SAMD3: variants seen among roughly 807,000 people sequenced by gnomAD.
The protein encoded by SAMD3 is sterile alpha motif domain containing 3.
Under a neutral mutation model 58.5 loss-of-function variants are expected in SAMD3, and 63 were observed. The observed-to-expected ratio is 1.08, with a 90% CI of 0.88 to 1.33. The LOEUF (loss-of-function observed/expected upper bound fraction) is 1.33. SAMD3 is among the 40% of genes most tolerant of loss of function. The pLI, the probability that SAMD3 is intolerant of heterozygous loss-of-function variation, is 0.00. For synonymous variants in SAMD3, 220 were observed against 210.3 expected (o/e 1.05, Z -0.40); for missense variants, 604 against 608.4 (o/e 0.99, Z 0.08).
chr6:130,143,541 G>T (rs2114530634), downstream of SAMD3, among the ~76,000 whole-genome samples: 1 of 152,132 alleles, frequency 6.6e-6, no homozygotes, highest in South Asian at 2.1e-4. Flanking sequence ...ACCGTGCCCG[G>T]CCCACATGAG....
At chr6:130,184,809 T>C (rs889985700) in intron 5 of SAMD3, among the ~76,000 whole-genome samples, 186 bp from the exon 6 acceptor site, 2 of 152,220 alleles carry the variant, frequency 1.3e-5, no homozygotes, top group African/African-American at 4.8e-5. Context: ...AGTGTCTTTG[T>C]CCATTCACAC....
rs900829781 is a variant in SAMD3, at chr6:130,324,040, C to CT, written c.-303-10948dup. On this transcript the variant is annotated intron_variant, in intron 1 of 13. Coordinates refer to the SAMD3 transcript ENST00000368134. ...CACTCTGGCATTTAACATCTTGGAA[C>CT]TTTTTTTTTATAACATATCAATCTT... Among the ~76,000 whole-genome samples, 35 of 151,364 alleles carry CT rather than the reference C, an allele frequency of 2.3e-4. 1 individual carries two copies. Among genetic ancestry groups the CT allele is most frequent in the South Asian group, 1.9e-3 (9 of 4,788 alleles).
At chr6:130,318,766 G>C (rs537880305) in intron 1 of SAMD3, among the ~76,000 whole-genome samples, 1 of 152,232 alleles carries the variant, frequency 6.6e-6, no homozygotes, top group Admixed American at 6.5e-5. Flanking sequence ...AAAGACACAG[G>C]AAAACAGGGC....
In SAMD3 at chr6:130,288,552, A is replaced by G. The variant is rs115319394; in HGVS notation, c.-188+24426T>C. Reference sequence around the variant, plus strand: ...AAGGTAACACATCAAATTAATCATCACAAGATGGAAGCCAAAGGGACAGGT... The same window carrying G: ...AAGGTAACACATCAAATTAATCATCGCAAGATGGAAGCCAAAGGGACAGGT... On this transcript the variant is annotated intron_variant, in intron 2 of 13. Coordinates refer to the SAMD3 transcript ENST00000368134. Among the ~76,000 whole-genome samples the G allele has an allele frequency of 2.8e-3, 419 of 152,314 alleles. 2 individuals are homozygous for G. The highest frequency in any genetic ancestry group is 9.9e-3 in the African/African-American group (411 of 41,570).
chr6:130,158,318 A>T (rs1029914824), intron 8 of SAMD3, among the ~76,000 whole-genome samples: 4 of 152,196 alleles, frequency 2.6e-5, no homozygotes, highest in Admixed American at 2.0e-4. Context: ...TTTTACAGCT[A>T]TGTAAGTAAG....
intron 1 of SAMD3, among the ~76,000 whole-genome samples, chr6:130,221,271 G>A (rs750963585): frequency 1.3e-5 from 2 of 152,014 alleles, no homozygotes; most frequent in Non-Finnish European, 2.9e-5. Flanking sequence ...ATGTAAATAT[G>A]AAAAATTAAA....
chr6:130,253,997 C>T (rs1773836224), intron 2 of SAMD3, among the ~76,000 whole-genome samples: 1 of 151,386 alleles, frequency 6.6e-6, no homozygotes, highest in Admixed American at 6.6e-5. Context: ...CTGTAGTTAC[C>T]CATCTTTTTT....
chr6:130,352,272 C>T (rs780730388), intron 1 of SAMD3, among the ~76,000 whole-genome samples: 8 of 151,948 alleles, frequency 5.3e-5, no homozygotes, highest in Non-Finnish European at 1.0e-4. Context: ...GGGATAAACT[C>T]GAGTCAAGGA....
chr6:130,162,810 T>G (rs2114619301), intron 8 of SAMD3, among the ~76,000 whole-genome samples: 1 of 152,322 alleles, frequency 6.6e-6, no homozygotes, highest in East Asian at 1.9e-4. Flanking sequence ...TCTCACTTAT[T>G]CTCTAATTAC....
At chr6:130,302,886 A>G (rs1048748733) in intron 2 of SAMD3, among the ~76,000 whole-genome samples, 6 of 152,220 alleles carry the variant, frequency 3.9e-5, no homozygotes, top group Admixed American at 1.3e-4. Flanking sequence ...ACATGTGAAC[A>G]TAAAGATGGA....
chr6:130,194,056 G>A (rs1164647585), intron 5 of SAMD3, among the ~76,000 whole-genome samples: 1 of 151,892 alleles, frequency 6.6e-6, no homozygotes. Flanking sequence ...CTCAGCCTCC[G>A]CTCCTCCACT....
intron 2 of SAMD3, among the ~76,000 whole-genome samples, chr6:130,309,718 A>G (rs1326895979): frequency 6.6e-6 from 1 of 152,220 alleles, no homozygotes. Flanking sequence ...GACTTGGGAC[A>G]CCAATTATTT....
At chr6:130,331,159 A>G (rs1299867053) in intron 1 of SAMD3, among the ~76,000 whole-genome samples, 1 of 152,254 alleles carries the variant, frequency 6.6e-6, no homozygotes, top group Non-Finnish European at 1.5e-5. Context: ...AAGTCACCAC[A>G]GCTAATGTTA....
rs187461714 is a variant in SAMD3 at position 130,213,784 on chromosome 6, T to A, written c.269+553A>T. Among the ~76,000 whole-genome samples, 28 of 152,336 alleles carry A rather than the reference T, an allele frequency of 1.8e-4. No homozygotes were observed. In the East Asian group the frequency reaches 5.0e-3, roughly 27 times the overall value. On this transcript the variant is annotated intron_variant, in intron 4 of 11. Transcript: ENST00000439090. ...ATCTGCCACCACTAATGTTTCTACA[T>A]AATTTTTTGGGGTGTTTCATAGTGT... is the stretch of plus-strand genomic sequence containing the variant.
At chr6:130,220,198 C>T (rs1196652580) in intron 1 of SAMD3, among the ~76,000 whole-genome samples, 1 of 152,108 alleles carries the variant, frequency 6.6e-6, no homozygotes, top group Non-Finnish European at 1.5e-5. Flanking sequence ...AATGGGGTTT[C>T]ACCATGTTGG....
intron 2 of SAMD3, among the ~76,000 whole-genome samples, chr6:130,253,448 G>A (rs1290220137): frequency 2.6e-5 from 4 of 151,896 alleles, no homozygotes; most frequent in Non-Finnish European, 5.9e-5. Context: ...TTAATTCTAG[G>A]TATTTACCTT....
At chr6:130,287,943 CAAA>C (rs3029967) in intron 2 of SAMD3, among the ~76,000 whole-genome samples, 3,729 of 107,022 alleles carry the variant, frequency 0.035, 66 homozygotes, top group Non-Finnish European at 0.052. Flanking sequence ...GACTCCGTCT[CAAA>C]AAAAAAAAAA....
chr6:130,242,591 G>A (rs1773399678), intron 2 of SAMD3, among the ~76,000 whole-genome samples: 1 of 152,198 alleles, frequency 6.6e-6, no homozygotes, highest in South Asian at 2.1e-4. Context: ...GATGTTCACA[G>A]GGAGGACCTC....
At chr6:130,149,912 T>G (rs1788990610) in intron 9 of SAMD3, among the ~76,000 whole-genome samples, 1 of 152,164 alleles carries the variant, frequency 6.6e-6, no homozygotes, top group Non-Finnish European at 1.5e-5. Context: ...CCCCAGATTA[T>G]GTCCTACAAA....
Sources: gnomAD v4.1 joint callset for allele counts (sites outside exome capture counted in the v4.1 genomes callset) on GRCh38, gnomAD v4.1.1 for gene constraint, MANE v1.5 for transcripts, NCBI Gene and HGNC (gene_info 2026-07-23, HGNC 2026-07-21) for gene names.